HSDL2: variants seen among roughly 807,000 people sequenced by gnomAD.
HSDL2 encodes the protein hydroxysteroid dehydrogenase-like protein 2.
HSDL2 carries 27 observed loss-of-function variants against 46.3 expected under a neutral mutation model. The observed-to-expected ratio is 0.58, with a 90% CI of 0.43 to 0.80. The LOEUF (loss-of-function observed/expected upper bound fraction) is 0.80, where lower values mean the gene tolerates loss of function less well. Ranked by LOEUF, HSDL2 falls within the 30% of genes least tolerant of loss-of-function variation. The probability of loss-of-function intolerance (pLI) is 0.00; values close to 1 mark genes in which losing one functional copy is unlikely to be tolerated. For missense variants in HSDL2, 451 were observed against 502.7 expected, an observed-to-expected ratio of 0.90 and a Z score of 0.98; for synonymous variants, 153 against 163.6, an observed-to-expected ratio of 0.94 and a Z score of 0.50.
intron 8 of HSDL2, among the ~76,000 whole-genome samples, chr9:112,446,485 GCCA>G (rs1832763317): frequency 6.6e-6 from 1 of 152,244 alleles, no homozygotes; most frequent in East Asian, 1.9e-4. Context: ...TTTAACAATA[GCCA>G]GGCGTGGTGG....
intron 9 of HSDL2, 149 bp downstream of exon 9, chr9:112,454,311 C>T: frequency 1.7e-6 from 1 of 599,358 alleles, no homozygotes; most frequent in Non-Finnish European, 2.8e-6. Context: ...AGAACAGCAA[C>T]CATAACTATT....
At chr9:112,401,419 G>T (rs62569980) in intron 1 of HSDL2, among the ~76,000 whole-genome samples, 19,638 of 143,816 alleles carry the variant, frequency 0.14, 1,666 homozygotes, top group East Asian at 0.21. Flanking sequence ...TCCAGACTGG[G>T]CGACAGAGCA....
At chr9:112,461,271 G>T (rs1336768426) in intron 10 of HSDL2, among the ~76,000 whole-genome samples, 9 of 152,104 alleles carry the variant, frequency 5.9e-5, no homozygotes, top group Non-Finnish European at 1.3e-4. Flanking sequence ...TAAAGACAGG[G>T]TTTCACCATA....
chr9:112,467,760 A>G (rs1476909659), intron 10 of HSDL2, among the ~76,000 whole-genome samples: 1 of 152,148 alleles, frequency 6.6e-6, no homozygotes, highest in African/African-American at 2.4e-5. Context: ...GCAGTTTTCT[A>G]CGTTGTCAAA....
chr9:112,416,588 T>TAAAAA (rs35674008), intron 4 of HSDL2, among the ~76,000 whole-genome samples: 3 of 134,248 alleles, frequency 2.2e-5, no homozygotes, highest in Admixed American at 1.5e-4. Flanking sequence ...ACCCTGTCTC[T>TAAAAA]AAAAAAAAAA....
intron 8 of HSDL2, among the ~76,000 whole-genome samples, chr9:112,442,736 C>G (rs986543265): frequency 1.3e-5 from 2 of 151,930 alleles, no homozygotes; most frequent in Admixed American, 1.3e-4. Flanking sequence ...GATGCTATGA[C>G]TCTCATCGAT....
chr9:112,404,475 A>G (rs1169619320), intron 2 of HSDL2, among the ~76,000 whole-genome samples: 1 of 151,968 alleles, frequency 6.6e-6, no homozygotes, highest in East Asian at 1.9e-4. Context: ...TGGAGGTTGC[A>G]GTGAGCCAAG....
At chr9:112,409,977 C>T (rs1328576663) in intron 4 of HSDL2, among the ~76,000 whole-genome samples, 1 of 151,386 alleles carries the variant, frequency 6.6e-6, no homozygotes, top group Admixed American at 6.6e-5. Flanking sequence ...TTTAGGATTA[C>T]TGAAGCCAGC....
intron 6 of HSDL2, among the ~76,000 whole-genome samples, chr9:112,428,255 A>G (rs1357220781): frequency 3.9e-5 from 6 of 152,240 alleles, no homozygotes; most frequent in African/African-American, 1.4e-4. Context: ...TCTTCTAAGT[A>G]GTCCAGGAAT....
chr9:112,405,362 A>G (rs1412610124), intron 2 of HSDL2, among the ~76,000 whole-genome samples: 1 of 152,148 alleles, frequency 6.6e-6, no homozygotes, highest in Non-Finnish European at 1.5e-5. Flanking sequence ...AAAAACAAAA[A>G]CAAACAAACA....
intron 10 of HSDL2, among the ~76,000 whole-genome samples, chr9:112,465,163 C>T (rs1005109766): frequency 5.9e-5 from 9 of 152,176 alleles, no homozygotes; most frequent in African/African-American, 2.2e-4. Flanking sequence ...GAGTCTCGCG[C>T]AGTCACCCCA....
intron 2 of HSDL2, among the ~76,000 whole-genome samples, chr9:112,405,194 A>G (rs1231769227): frequency 6.6e-6 from 1 of 152,138 alleles, no homozygotes; most frequent in Non-Finnish European, 1.5e-5. Context: ...TCTACAAAAA[A>G]TAGAAAAATT....
chr9:112,396,970 C>T (rs1004958299), intron 1 of HSDL2, among the ~76,000 whole-genome samples: 6 of 152,158 alleles, frequency 3.9e-5, no homozygotes, highest in South Asian at 2.1e-4. Context: ...AGACTGGCCC[C>T]GCTTCCGATT....
At chr9:112,459,374 CTAATTGAAGT>C in intron 9 of HSDL2, 65 bp from the exon 10 acceptor site, 1 of 1,473,100 alleles carries the variant, frequency 6.8e-7, no homozygotes, top group East Asian at 2.3e-5. Context: ...TAAGATTATT[CTAATTGAAGT>C]AATTATTAAA....
intron 6 of HSDL2, among the ~76,000 whole-genome samples, chr9:112,421,418 G>A (rs1036389980): frequency 2.6e-5 from 4 of 152,062 alleles, no homozygotes; most frequent in South Asian, 2.1e-4. Context: ...GCCCCTCTAC[G>A]AGGAACCACC....
chr9:112,421,653 G>A (rs1284482225), intron 6 of HSDL2, among the ~76,000 whole-genome samples: 2 of 151,918 alleles, frequency 1.3e-5, no homozygotes, highest in African/African-American at 4.8e-5. Flanking sequence ...TATCCTCCTC[G>A]GCCTCCCAAA....
chr9:112,416,262 A>T (rs1831990152), intron 4 of HSDL2, among the ~76,000 whole-genome samples: 1 of 151,706 alleles, frequency 6.6e-6, no homozygotes, highest in Admixed American at 6.6e-5. Context: ...GAAAAAAAAA[A>T]TTACAAAAAC....
chr9:112,392,267 G>C (rs1391259832), intron 1 of HSDL2, among the ~76,000 whole-genome samples: 5 of 152,172 alleles, frequency 3.3e-5, no homozygotes, highest in Admixed American at 3.3e-4. Flanking sequence ...CAGGACAAAG[G>C]GAAAAAGCAG....
chr9:112,392,184 A>G (rs147489194), intron 1 of HSDL2, among the ~76,000 whole-genome samples: 1 of 152,196 alleles, frequency 6.6e-6, no homozygotes, highest in Non-Finnish European at 1.5e-5. Flanking sequence ...AGGTACAAAG[A>G]TCACATGCTT....
Sources: allele counts gnomAD v4.1 joint callset (sites outside exome capture counted in the v4.1 genomes callset), GRCh38; gene constraint gnomAD v4.1.1; transcripts MANE v1.5; gene names NCBI Gene and HGNC (gene_info 2026-07-23, HGNC 2026-07-21).